RBFOX3: variants seen among roughly 807,000 people sequenced by gnomAD.
RBFOX3 encodes the protein RNA binding fox-1 homolog 3.
RBFOX3 carries 17 observed loss-of-function variants against 48.7 expected under a neutral mutation model. The observed-to-expected ratio is 0.35, with a 90% CI of 0.24 to 0.52. RBFOX3 has a LOEUF of 0.52. RBFOX3 is among the 20% of genes least tolerant of loss of function. The probability of loss-of-function intolerance (pLI) is 0.94; values close to 1 mark genes in which losing one functional copy is unlikely to be tolerated. For synonymous variants in RBFOX3, 212 were observed against 209.5 expected (o/e 1.01, Z -0.10); for missense variants, 382 against 497.5 (o/e 0.77, Z 2.21).
chr17:79,484,657 G>T (rs942689146), intron 1 of RBFOX3, among the ~76,000 whole-genome samples: 109 of 152,208 alleles, frequency 7.2e-4, no homozygotes, highest in African/African-American at 2.6e-3. Context: ...GGGTAGGAAG[G>T]GGCTCCAGGA....
chr17:79,470,928 C>T (rs1461765704), intron 2 of RBFOX3, among the ~76,000 whole-genome samples: 1 of 152,198 alleles, frequency 6.6e-6, no homozygotes, highest in African/African-American at 2.4e-5. Context: ...GTGTGCCTCT[C>T]TGTCATCCAA....
intron 1 of RBFOX3, among the ~76,000 whole-genome samples, chr17:79,554,746 A>G (rs2091483879): frequency 6.6e-6 from 1 of 152,274 alleles, no homozygotes; most frequent in Non-Finnish European, 1.5e-5. Flanking sequence ...ATATACAATC[A>G]TTATAACTCT....
chr17:79,449,104 T>C (rs9912221), intron 2 of RBFOX3, among the ~76,000 whole-genome samples: 64,886 of 151,958 alleles, frequency 0.43, 14,075 homozygotes, highest in South Asian at 0.47. Context: ...CCTGTGCCTG[T>C]AGTCCCTTAC....
intron 4 of RBFOX3, among the ~76,000 whole-genome samples, chr17:79,227,644 G>T (rs183713327): frequency 1.1e-4 from 17 of 152,172 alleles, no homozygotes; most frequent in Admixed American, 1.0e-3. Context: ...CTCTTCCATG[G>T]CTTATAACTG....
intron 3 of RBFOX3, among the ~76,000 whole-genome samples, chr17:79,298,038 T>C (rs72848061): frequency 0.073 from 11,182 of 152,194 alleles, 427 homozygotes; most frequent in African/African-American, 0.11. Context: ...GGTTAAGTCA[T>C]TGGACTCAGT....
At chr17:79,452,998 A>C (rs2073822490) in intron 2 of RBFOX3, among the ~76,000 whole-genome samples, 1 of 152,092 alleles carries the variant, frequency 6.6e-6, no homozygotes, top group Non-Finnish European at 1.5e-5. Flanking sequence ...ACATGGCTTC[A>C]TCTCTCCAGG....
intron 4 of RBFOX3, among the ~76,000 whole-genome samples, chr17:79,124,711 G>A (rs1478343180): frequency 6.6e-6 from 1 of 152,214 alleles, no homozygotes; most frequent in Admixed American, 6.5e-5. Flanking sequence ...TCTGGGAGTG[G>A]CTGGCCTGCC....
chr17:79,227,317 T>C (rs1022543711), intron 4 of RBFOX3, among the ~76,000 whole-genome samples: 1 of 152,174 alleles, frequency 6.6e-6, no homozygotes, highest in Non-Finnish European at 1.5e-5. Context: ...TTCGGAGTGG[T>C]TTCCCCTTTT....
chr17:79,660,323 T>C, the RBFOX3 span, among the ~76,000 whole-genome samples: 1 of 152,042 alleles, frequency 6.6e-6, no homozygotes, highest in Admixed American at 6.5e-5. Flanking sequence ...ATTAAAGAGC[T>C]CTGCACAGCA....
At position 79,318,854 on chromosome 17, in the gene RBFOX3, C is replaced by CAAAAAAAAAAAAAAAAAAAAAAAAAAA. The variant is rs71161660; in HGVS notation, c.-174-11031_-174-11030insTTTTTTTTTTTTTTTTTTTTTTTTTTT. On this transcript the variant is annotated intron_variant, in intron 2 of 14. Coordinates refer to ENST00000693108, the MANE Select transcript of RBFOX3 (RefSeq NM_001350451.2). ...TGGGTGACAGAGCGAGACTCCATCT[C>CAAAAAAAAAAAAAAAAAAAAAAAAAAA]AAAAAAAAAAAAAAAAAAAAAAAAA... Among the ~76,000 whole-genome samples, 13 of 32,522 alleles carry CAAAAAAAAAAAAAAAAAAAAAAAAAAA rather than the reference C, an allele frequency of 4.0e-4. 2 individuals carry two copies. The highest frequency in any genetic ancestry group is 4.6e-4 in the Non-Finnish European group (9 of 19,778). 21.3% of individuals were successfully genotyped at this position (32,522 alleles called of 152,430 possible). A position where few individuals can be genotyped will look rare whatever the true frequency, so the allele number is the denominator to read the frequency against.
intron 4 of RBFOX3, among the ~76,000 whole-genome samples, chr17:79,133,635 C>G (rs1425103229): frequency 6.6e-6 from 1 of 152,226 alleles, no homozygotes; most frequent in Admixed American, 6.5e-5. Flanking sequence ...TCCATCCTTG[C>G]TCAAGTCCTG....
intron 2 of RBFOX3, among the ~76,000 whole-genome samples, chr17:79,403,843 G>T (rs1048581397): frequency 4.1e-5 from 6 of 147,698 alleles, no homozygotes; most frequent in Admixed American, 3.4e-4. Context: ...ACAGTGGCGC[G>T]ATCTCGGCTC....
chr17:79,336,653 G>T (rs1568065771), intron 2 of RBFOX3, among the ~76,000 whole-genome samples: 1 of 152,126 alleles, frequency 6.6e-6, no homozygotes, highest in Non-Finnish European at 1.5e-5. Context: ...CTGTCCTCAG[G>T]CCCGATCCCA....
At chr17:79,271,267 T>C (rs1975868) in intron 3 of RBFOX3, among the ~76,000 whole-genome samples, 1 of 151,450 alleles carries the variant, frequency 6.6e-6, no homozygotes, top group Non-Finnish European at 1.5e-5. Context: ...GTAGAGACAG[T>C]GTTTCACCAT....
chr17:79,418,196 G>C lies in RBFOX3; in HGVS notation c.-175+64258C>G, dbSNP rs547310349. Among the ~76,000 whole-genome samples, 6 of 152,342 alleles carry C rather than the reference G, an allele frequency of 3.9e-5. No homozygotes were observed. The highest frequency in any genetic ancestry group is 1.4e-4 in the African/African-American group (6 of 41,572). ...CCACTGAACAGTGCACTTAAAAATG[G>C]TTAAGATGGTACATTTTATGTTATG... On this transcript the variant is annotated intron_variant, in intron 2 of 14. Transcript: ENST00000693108. The surrounding 1 kb of genome is among the most constrained non-coding windows in gnomAD (Gnocchi z 5.0).
At chr17:79,620,460 CACAT>C in the RBFOX3 span, among the ~76,000 whole-genome samples, 1 of 149,654 alleles carries the variant, frequency 6.7e-6, no homozygotes, top group Non-Finnish European at 1.5e-5. Context: ...CATGCGCACA[CACAT>C]GCACACGTGC....
chr17:79,524,032 T>C (rs1436668737), intron 1 of RBFOX3, among the ~76,000 whole-genome samples: 2 of 152,106 alleles, frequency 1.3e-5, no homozygotes, highest in Non-Finnish European at 2.9e-5. Context: ...TGGCAGTCAG[T>C]TTTCCCATCA....
intron 1 of RBFOX3, among the ~76,000 whole-genome samples, chr17:79,487,486 A>G (rs2149547962): frequency 6.6e-6 from 1 of 152,308 alleles, no homozygotes; most frequent in Non-Finnish European, 1.5e-5. Flanking sequence ...CCGAATCACC[A>G]TCATCATCCT....
At chr17:79,373,477 C>T (rs1007882608) in intron 2 of RBFOX3, among the ~76,000 whole-genome samples, 5 of 152,218 alleles carry the variant, frequency 3.3e-5, no homozygotes, top group Admixed American at 2.6e-4. Context: ...TCAGAACACA[C>T]CTGAAATCCT....
Sources: allele counts gnomAD v4.1 joint callset (sites outside exome capture counted in the v4.1 genomes callset), GRCh38; gene constraint gnomAD v4.1.1; non-coding constraint Gnocchi (gnomAD v3.1); transcripts MANE v1.5; gene names NCBI Gene and HGNC (gene_info 2026-07-23, HGNC 2026-07-21).